Variants in ATP6V1C1 observed in about 807,000 individuals in gnomAD.
ATP6V1C1 encodes ATPase H+ transporting V1 subunit C1, also known as V-type proton ATPase subunit C 1.
A neutral mutation model predicts 53.9 loss-of-function variants in ATP6V1C1; 45 were observed. The ratio of observed to expected loss-of-function variants is 0.83; its 90% CI spans 0.66 to 1.07. The LOEUF (loss-of-function observed/expected upper bound fraction) is 1.07, where lower values mean the gene tolerates loss of function less well. Among genes scored for constraint, ATP6V1C1 ranks in the 50% least tolerant of loss-of-function variants. ATP6V1C1 has a pLI of 0.00. For synonymous variants in ATP6V1C1, 153 were observed against 155.2 expected, an observed-to-expected ratio of 0.99 and a Z score of 0.11; for missense variants, 315 against 440.3, an observed-to-expected ratio of 0.72 and a Z score of 2.55.
chr8:103,039,143 T>A (rs894907282), intron 1 of ATP6V1C1, among the ~76,000 whole-genome samples: 3 of 152,254 alleles, frequency 2.0e-5, no homozygotes, highest in Admixed American at 6.5e-5. Flanking sequence ...TAACCTGCAT[T>A]TCTTATCTGT....
intron 1 of ATP6V1C1, among the ~76,000 whole-genome samples, chr8:103,038,546 T>C (rs1403548968): frequency 6.6e-6 from 1 of 152,234 alleles, no homozygotes; most frequent in African/African-American, 2.4e-5. Flanking sequence ...GAGAGATATG[T>C]ACACATTGTT....
chr8:103,044,497 C>G (rs1204011537), intron 3 of ATP6V1C1, among the ~76,000 whole-genome samples: 1 of 152,054 alleles, frequency 6.6e-6, no homozygotes, highest in East Asian at 1.9e-4. Context: ...GTTTTTTCCC[C>G]TTTGAATTGT....
At chr8:103,046,599 G>T (rs1161286619) in intron 3 of ATP6V1C1, among the ~76,000 whole-genome samples, 3 of 152,324 alleles carry the variant, frequency 2.0e-5, no homozygotes, top group Admixed American at 6.5e-5. Context: ...TACCTAGGCA[G>T]TGTGTCAGCT....
Position 103,063,057 on chromosome 8 carries a change from T to C in ATP6V1C1, c.734+10T>C, listed in dbSNP as rs771170340. 5 of 1,613,530 alleles carry C rather than the reference T, an allele frequency of 3.1e-6. No homozygotes were observed. The highest frequency in any genetic ancestry group is 4.2e-6 in the Non-Finnish European group (5 of 1,179,622). Reference sequence around the variant, plus strand: ...AAGCCAGAGAAAACAAGTAAGATTATTGTTTTTTTGTTTATTTACTTTGTT... The same window carrying C: ...AAGCCAGAGAAAACAAGTAAGATTACTGTTTTTTTGTTTATTTACTTTGTT... On this transcript the variant is annotated intron_variant, in intron 9 of 12. Transcript: ENST00000518738.
chr8:103,034,205 A>T (rs1359268200), intron 1 of ATP6V1C1, among the ~76,000 whole-genome samples: 1 of 152,170 alleles, frequency 6.6e-6, no homozygotes, highest in Non-Finnish European at 1.5e-5. Flanking sequence ...GAAGAAGGAC[A>T]TAGACCTGGA....
At chr8:103,064,928 C>A in intron 11 of ATP6V1C1, 117 bp downstream of exon 11, 2 of 809,640 alleles carry the variant, frequency 2.5e-6, no homozygotes, top group Non-Finnish European at 3.8e-6. Flanking sequence ...ATCAAAGGGC[C>A]AATCATGAGA....
At chr8:103,060,998 G>A (rs1411290128) in intron 8 of ATP6V1C1, among the ~76,000 whole-genome samples, 2 of 152,144 alleles carry the variant, frequency 1.3e-5, no homozygotes, top group East Asian at 1.9e-4. Flanking sequence ...ATTATTTGTG[G>A]CCCTGAAATA....
chr8:103,024,441 C>G (rs757221789), intron 1 of ATP6V1C1, among the ~76,000 whole-genome samples: 3 of 152,116 alleles, frequency 2.0e-5, no homozygotes, highest in Non-Finnish European at 4.4e-5. Context: ...AACTGGAATG[C>G]CAAAGTAAAC....
chr8:103,029,810 G>A (rs570465553), intron 1 of ATP6V1C1, among the ~76,000 whole-genome samples: 1 of 151,812 alleles, frequency 6.6e-6, no homozygotes, highest in East Asian at 1.9e-4. Flanking sequence ...TCGGCTCACC[G>A]CAACCTCTGC....
intron 1 of ATP6V1C1, among the ~76,000 whole-genome samples, chr8:103,030,259 A>G (rs935304826): frequency 3.3e-5 from 5 of 151,964 alleles, no homozygotes; most frequent in Non-Finnish European, 5.9e-5. Context: ...TTTAGCCTAG[A>G]TTTGGTAAAT....
intron 3 of ATP6V1C1, among the ~76,000 whole-genome samples, chr8:103,043,578 AC>A (rs1408738059): frequency 6.6e-6 from 1 of 151,220 alleles, no homozygotes; most frequent in African/African-American, 2.4e-5. Context: ...TGATCCACCC[AC>A]CTTGGCCTCC....
At chr8:103,067,932 ATTAT>A in intron 12 of ATP6V1C1, among the ~76,000 whole-genome samples, 1 of 152,128 alleles carries the variant, frequency 6.6e-6, no homozygotes, top group Non-Finnish European at 1.5e-5. Context: ...GAGAGGTATA[ATTAT>A]TTGATACATA....
At chr8:103,067,619 G>A (rs1383060674) in intron 12 of ATP6V1C1, among the ~76,000 whole-genome samples, 2 of 112,942 alleles carry the variant, frequency 1.8e-5, no homozygotes, top group East Asian at 2.5e-4. Context: ...TTTTTTTTTC[G>A]AGATGGAGTT....
chr8:103,025,272 G>T (rs1407504830), intron 1 of ATP6V1C1, among the ~76,000 whole-genome samples: 1 of 152,110 alleles, frequency 6.6e-6, no homozygotes, highest in African/African-American at 2.4e-5. Context: ...GGGTGCTATT[G>T]GCAGTTTGGA....
chr8:103,068,820 G>A lies in ATP6V1C1; in HGVS notation c.*73G>A, dbSNP rs996888718. ...AACAGAAATAAGTTGCAGTATGGTC[G>A]TACTTTTAACTCTAGTATCCTTTGC... On this transcript the variant is annotated 3_prime_UTR_variant, in exon 13 of 13. Transcript: ENST00000518738. The A allele has an allele frequency of 8.9e-6, 12 of 1,348,438 alleles. No homozygotes were observed. The highest frequency in any genetic ancestry group is 5.9e-5 in the African/African-American group (4 of 68,332). 83.5% of individuals were successfully genotyped at this position (1,348,438 alleles called of 1,614,324 possible). A position where few individuals can be genotyped will look rare whatever the true frequency, so the allele number is the denominator to read the frequency against.
chr8:103,053,694 A>G (rs1276083801), intron 6 of ATP6V1C1, among the ~76,000 whole-genome samples, 190 bp from the exon 7 acceptor site: 2 of 151,988 alleles, frequency 1.3e-5, no homozygotes, highest in East Asian at 1.9e-4. Context: ...TTGGTAGAAG[A>G]TATTTCGTTG....
chr8:103,028,765 T>C (rs1225590989), intron 1 of ATP6V1C1, among the ~76,000 whole-genome samples: 2 of 152,220 alleles, frequency 1.3e-5, no homozygotes, highest in African/African-American at 4.8e-5. Context: ...CTTCCTGAAA[T>C]TGACATTTGG....
intron 8 of ATP6V1C1, among the ~76,000 whole-genome samples, chr8:103,058,896 G>T (rs999080422): frequency 6.6e-6 from 1 of 152,168 alleles, no homozygotes; most frequent in African/African-American, 2.4e-5. Context: ...AGAAGTGGAG[G>T]CTGTGCTGCT....
chr8:103,049,471 G>T (rs1817161946), intron 4 of ATP6V1C1, among the ~76,000 whole-genome samples: 1 of 152,278 alleles, frequency 6.6e-6, no homozygotes, highest in East Asian at 1.9e-4. Context: ...CTTCTCTGTA[G>T]CTAGAAGCCA....
Sources: allele counts gnomAD v4.1 joint callset (sites outside exome capture counted in the v4.1 genomes callset), GRCh38; gene constraint gnomAD v4.1.1; transcripts MANE v1.5; gene names NCBI Gene and HGNC (gene_info 2026-07-23, HGNC 2026-07-21).